PRUNE2: variants seen among roughly 807,000 people sequenced by gnomAD.
The protein encoded by PRUNE2 is prune homolog 2 with BCH domain, also known as protein prune homolog 2.
PRUNE2 carries 164 observed loss-of-function variants against 252.0 expected under a neutral mutation model. That is an observed-to-expected ratio of 0.65 (90% CI 0.57 to 0.74). PRUNE2 has a LOEUF of 0.74. Ranked by LOEUF, PRUNE2 falls within the 30% of genes least tolerant of loss-of-function variation. The pLI is 0.00. For missense variants in PRUNE2, 3,495 were observed against 3,711.0 expected (o/e 0.94, Z 1.51); for synonymous variants, 1,292 against 1,350.2 (o/e 0.96, Z 0.94).
intron 6 of PRUNE2, among the ~76,000 whole-genome samples, chr9:76,820,417 T>C (rs1296876057): frequency 6.6e-6 from 1 of 152,204 alleles, no homozygotes; most frequent in Non-Finnish European, 1.5e-5. Context: ...GGCAGTGGTT[T>C]CTACCTCCCA....
At chr9:76,794,994 C>A (rs1284677289) in intron 6 of PRUNE2, among the ~76,000 whole-genome samples, 1 of 152,100 alleles carries the variant, frequency 6.6e-6, no homozygotes, top group Non-Finnish European at 1.5e-5. Context: ...CTTCTGCCTG[C>A]CACGAAGGAA....
At position 76,706,973 on chromosome 9, in the gene PRUNE2, C is replaced by T; in HGVS notation, c.5301G>A (p.Trp1767Ter). 6.2e-7 allele frequency: 1 copy of T among 1,613,904 alleles called. No homozygotes were observed. Among genetic ancestry groups the T allele is most frequent in the Non-Finnish European group, 8.5e-7 (1 of 1,179,856 alleles). The change falls in exon 8 of 19, where the codon TGG (tryptophan) becomes TGA (stop). Residue 1767 changes from tryptophan (W) to a stop codon, truncating the protein, a stop_gained. Transcript: ENST00000376718. LOFTEE classifies it high-confidence loss of function. ...CDNQQSSPDPWTFSPLTETEM... is the reference protein window; with the variant it reads ...CDNQQSSPDP ...CAGTCTCCGTTAATGGTGAGAAAGT[C>T]CAGGGATCAGGGCTGCTTTGTTGAT...
rs780508311 is a variant in PRUNE2 at position 76,703,904 on chromosome 9, TCTCTTTCTTCACA to T, written c.7696_7708del (p.Cys2566LysfsTer3). ...ATACAATTCTAATTCAGCTATGCTT[TCTCTTTCTTCACA>T]GGTCTCTGGCTTTGAGTGTGAATTT... On this transcript the variant is annotated frameshift_variant, in exon 9 of 19. Coordinates refer to ENST00000376718, the MANE Select transcript of PRUNE2 (RefSeq NM_015225.3). LOFTEE classifies it high-confidence loss of function. The T allele has an allele frequency of 5.6e-5, 91 of 1,613,908 alleles. No individual in the cohort carries two copies. The highest frequency in any genetic ancestry group is 8.5e-7 in the Non-Finnish European group (1 of 1,179,872).
rs370952792 is a variant in PRUNE2, at chr9:76,710,924, G to A, written c.1350C>T (p.Ser450=). ...KESSVFLSDD[S]PVGEGAGPHH... ...GAGGCCCAGCACCTTCTCCCACGGGGCTGTCGTCACTGAGGAAAACAGAGC... is the reference window on the plus strand; with the variant it reads ...GAGGCCCAGCACCTTCTCCCACGGGACTGTCGTCACTGAGGAAAACAGAGC... Residue 450 remains serine, a synonymous_variant, in exon 8 of 19, where the codon AGC becomes AGT. Transcript: ENST00000376718. The A allele has an allele frequency of 7.0e-5, 109 of 1,566,274 alleles. 1 individual carries two copies. Among genetic ancestry groups the A allele is most frequent in the Non-Finnish European group, 8.4e-5 (97 of 1,155,734 alleles).
At chr9:76,818,184 A>C (rs2057811746) in intron 6 of PRUNE2, among the ~76,000 whole-genome samples, 1 of 152,162 alleles carries the variant, frequency 6.6e-6, no homozygotes, top group Non-Finnish European at 1.5e-5. Context: ...AAAATAAGAG[A>C]GTTAAATACT....
intron 4 of PRUNE2, among the ~76,000 whole-genome samples, chr9:76,843,916 C>T (rs1223357586): frequency 6.6e-6 from 1 of 151,844 alleles, no homozygotes; most frequent in East Asian, 1.9e-4. Context: ...TTAGTAGAGA[C>T]GAGGTTTCAC....
chr9:76,708,683 C>G lies in PRUNE2; in HGVS notation c.3591G>C (p.Lys1197Asn), dbSNP rs1457985852. 1.2e-6 allele frequency: 2 copies of G among 1,613,936 alleles called. No individual in the cohort carries two copies. The highest frequency in any genetic ancestry group is 3.3e-5 in the Admixed American group (2 of 60,006). ...TGTGATGTTCACTGGGAGCACTGTC[C>G]TTGGTATGCTCATCAGAGGCAGGGA... is the stretch of plus-strand genomic sequence containing the variant. ...WELPASDEHTKDSAPSEHHTL... is the reference protein window; with the variant it reads ...WELPASDEHTNDSAPSEHHTL... Residue 1197 changes from lysine (K) to asparagine (N), a missense_variant, in exon 8 of 19, where the codon AAG becomes AAC. Transcript: ENST00000376718.
intron 10 of PRUNE2, among the ~76,000 whole-genome samples, chr9:76,653,758 A>T (rs1317139470): frequency 6.6e-6 from 1 of 152,056 alleles, no homozygotes; most frequent in Non-Finnish European, 1.5e-5. Flanking sequence ...ACATTCTTTG[A>T]ACTCACCCAA....
intron 6 of PRUNE2, among the ~76,000 whole-genome samples, chr9:76,775,859 G>T (rs1313010395): frequency 1.3e-5 from 2 of 152,086 alleles, no homozygotes; most frequent in African/African-American, 4.8e-5. Context: ...CCTTTAGCTC[G>T]GACCAACACC....
chr9:76,728,353 T>TA (rs112758197), intron 6 of PRUNE2, among the ~76,000 whole-genome samples: 4,721 of 147,890 alleles, frequency 0.032, 121 homozygotes, highest in East Asian at 0.085. Context: ...AGGGAGCTGT[T>TA]AAAAAAAAAA....
At chr9:76,661,194 T>G (rs571560942) in intron 9 of PRUNE2, among the ~76,000 whole-genome samples, 1 of 152,288 alleles carries the variant, frequency 6.6e-6, no homozygotes, top group African/African-American at 2.4e-5. Flanking sequence ...AAAGTGGTAT[T>G]TTTAAAAAAC....
chr9:76,841,075 G>C (rs117572759), intron 4 of PRUNE2, among the ~76,000 whole-genome samples: 2,740 of 152,268 alleles, frequency 0.018, 59 homozygotes, highest in East Asian at 0.035. Flanking sequence ...AATGCAGAAG[G>C]GGGGTGATGT....
At chr9:76,704,687 T>G (rs2046182364) in intron 8 of PRUNE2, 74 bp downstream of exon 8, 2 of 1,018,240 alleles carry the variant, frequency 2.0e-6, no homozygotes, top group Non-Finnish European at 2.9e-6. Flanking sequence ...GTAGGAAGAG[T>G]GTGTCTTACA....
intron 6 of PRUNE2, among the ~76,000 whole-genome samples, chr9:76,795,198 G>A (rs1019471584): frequency 1.3e-5 from 2 of 152,130 alleles, no homozygotes; most frequent in African/African-American, 4.8e-5. Context: ...CTAGGTCTCA[G>A]TATCATACCC....
intron 6 of PRUNE2, among the ~76,000 whole-genome samples, chr9:76,731,296 ATCTATCTATC>A (rs1380073375): frequency 1.7e-4 from 16 of 96,678 alleles, no homozygotes; most frequent in Admixed American, 1.4e-3. Context: ...CTATCTATCT[ATCTATCTATC>A]TATCTATATA....
At chr9:76,678,650 A>C (rs2043055656) in intron 9 of PRUNE2, among the ~76,000 whole-genome samples, 2 of 152,046 alleles carry the variant, frequency 1.3e-5, no homozygotes, top group Admixed American at 1.3e-4. Context: ...TAACACGGTG[A>C]AACCTCGCCT....
intron 1 of PRUNE2, among the ~76,000 whole-genome samples, chr9:76,897,032 G>A (rs2062862105): frequency 6.6e-6 from 1 of 152,174 alleles, no homozygotes; most frequent in Non-Finnish European, 1.5e-5. Flanking sequence ...ATCTCACAAT[G>A]TATTCAACCA....
chr9:76,864,071 G>C (rs1343074064), intron 1 of PRUNE2, among the ~76,000 whole-genome samples: 1 of 152,120 alleles, frequency 6.6e-6, no homozygotes, highest in Non-Finnish European at 1.5e-5. Context: ...ATTGGATAAA[G>C]AAAATATGGT....
chr9:76,693,115 CAATT>C (rs2134498116), intron 9 of PRUNE2: 1 of 151,930 alleles, frequency 6.6e-6, no homozygotes, highest in Non-Finnish European at 1.5e-5. Context: ...TATATTGACA[CAATT>C]AAGGCAAACA....
Sources: allele counts gnomAD v4.1 joint callset (sites outside exome capture counted in the v4.1 genomes callset), GRCh38; gene constraint gnomAD v4.1.1; transcripts MANE v1.5; gene names NCBI Gene and HGNC (gene_info 2026-07-23, HGNC 2026-07-21).